VSNL1: variants seen among roughly 807,000 people sequenced by gnomAD.
VSNL1 encodes the protein visinin like 1.
Under a neutral mutation model 20.4 loss-of-function variants are expected in VSNL1, and 6 were observed. The observed-to-expected ratio is 0.29, with a 90% CI of 0.16 to 0.58. The LOEUF is 0.58. VSNL1 is among the 20% of genes least tolerant of loss of function. The pLI is 0.90. For missense variants in VSNL1, 100 were observed against 234.5 expected (o/e 0.43, Z 3.75); for synonymous variants, 93 against 86.4 (o/e 1.08, Z -0.42).
Position 17,592,652 on chromosome 2 carries a change from T to C in VSNL1, c.162+416T>C, listed in dbSNP as rs1423685544. ...TCTCTCTCTCTCTCTTTTTTTTTTT[T>C]TTTTTTTTTTTTTTTTTTTTTTTTT... is the stretch of plus-strand genomic sequence containing the variant. On this transcript the variant is annotated intron_variant, in intron 2 of 3. Coordinates refer to ENST00000295156, the MANE Select transcript of VSNL1 (RefSeq NM_003385.5). Among the ~76,000 whole-genome samples, 163 of 51,724 alleles carry C rather than the reference T, an allele frequency of 3.2e-3. 6 individuals carry two copies. Among genetic ancestry groups the C allele is most frequent in the Middle Eastern group, 5.7e-3 (1 of 174 alleles). The allele number at this position is 51,724 out of a possible 152,430, so 33.9% of individuals were successfully genotyped here.
At chr2:17,551,457 G>A (rs980704449) in intron 1 of VSNL1, among the ~76,000 whole-genome samples, 29 of 152,186 alleles carry the variant, frequency 1.9e-4, no homozygotes, top group African/African-American at 7.0e-4. Flanking sequence ...TATCATCTTG[G>A]AATGGGGAAG....
intron 2 of VSNL1, among the ~76,000 whole-genome samples, chr2:17,599,826 AG>A (rs1415634125): frequency 6.6e-6 from 1 of 152,226 alleles, no homozygotes; most frequent in Non-Finnish European, 1.5e-5. Flanking sequence ...CACTCAGCCC[AG>A]CCTTCTTGCC....
chr2:17,606,938 G>T (rs1443374768), intron 2 of VSNL1, among the ~76,000 whole-genome samples: 1 of 152,152 alleles, frequency 6.6e-6, no homozygotes, highest in Non-Finnish European at 1.5e-5. Context: ...ATTTTATCGT[G>T]TCTGTGTGAT....
intron 1 of VSNL1, among the ~76,000 whole-genome samples, chr2:17,569,966 C>T (rs1664043726): frequency 6.6e-6 from 1 of 152,150 alleles, no homozygotes; most frequent in African/African-American, 2.4e-5. Flanking sequence ...ATTCAGGATT[C>T]CAATTTCTTG....
chr2:17,598,295 T>G (rs1462479962), intron 2 of VSNL1, among the ~76,000 whole-genome samples: 3 of 152,218 alleles, frequency 2.0e-5, no homozygotes, highest in African/African-American at 7.2e-5. Context: ...ATAAAATATA[T>G]AATCAAGGTC....
rs368875920 is a variant in VSNL1 at position 17,585,497 on chromosome 2, G to C, written c.-5-6573G>C. ...GTGTCAGTTGTTTATAGGATCCAAG[G>C]GGGTGGTGCTGGGGGTTGTTTCAAC... On this transcript the variant is annotated intron_variant, in intron 1 of 3. Coordinates refer to ENST00000295156, the MANE Select transcript of VSNL1 (RefSeq NM_003385.5). Among the ~76,000 whole-genome samples the C allele has an allele frequency of 1.8e-4, 28 of 152,198 alleles. No homozygotes were observed. The East Asian group carries it at 5.0e-3, about 27-fold the overall frequency.
At position 17,649,297 on chromosome 2, in the gene VSNL1, G is replaced by A. The variant is rs1666071835; in HGVS notation, c.163-113G>A. The A allele has an allele frequency of 1.9e-6, 2 of 1,045,028 alleles. No homozygotes were observed. The highest frequency in any genetic ancestry group is 1.4e-5 in the South Asian group (1 of 69,672). 64.7% of individuals were successfully genotyped at this position (1,045,028 alleles called of 1,614,324 possible). On this transcript the variant is annotated intron_variant, in intron 2 of 3. Transcript: ENST00000295156. This position sits in a 1 kb window ranked among gnomAD's most constrained non-coding sequence, Gnocchi z 6.4. ...AGTCAGGCCAAACTGCTCTCCAATG[G>A]GTGAGGCTCCGACAACGCCCAGGAG...
chr2:17,575,940 G>A (rs999057946), intron 1 of VSNL1, among the ~76,000 whole-genome samples: 5 of 152,126 alleles, frequency 3.3e-5, no homozygotes, highest in Non-Finnish European at 5.9e-5. Context: ...ATAGAAACTT[G>A]TAAATTATAG....
In VSNL1 at chr2:17,634,609, A is replaced by C. The variant is rs1305702949; in HGVS notation, c.163-14801A>C. ...TAGCTGTGCCCCTTCCCGTCCCCTG[A>C]CACCCTCATCTCTCCTCTGAGATCA... On this transcript the variant is annotated intron_variant, in intron 2 of 3. Transcript: ENST00000295156. This position sits in a 1 kb window ranked among gnomAD's most constrained non-coding sequence, Gnocchi z 4.3. Among the ~76,000 whole-genome samples, 1 of 152,108 alleles carries C rather than the reference A, an allele frequency of 6.6e-6. No homozygotes were observed.
chr2:17,642,309 C>CTTTTTTTTTTTTTTTTTTTTTTT lies in VSNL1; in HGVS notation c.163-7084_163-7083insTTTTTTTTTTTTTTTTTTTTTTT, dbSNP rs577471307. Among the ~76,000 whole-genome samples the CTTTTTTTTTTTTTTTTTTTTTTT allele has an allele frequency of 4.9e-3, 455 of 93,178 alleles. 104 individuals carry two copies. Among genetic ancestry groups the CTTTTTTTTTTTTTTTTTTTTTTT allele is most frequent in the Non-Finnish European group, 8.0e-3 (355 of 44,218 alleles). 61.1% of individuals were successfully genotyped at this position (93,178 alleles called of 152,430 possible). A position where few individuals can be genotyped will look rare whatever the true frequency, so the allele number is the denominator to read the frequency against. On this transcript the variant is annotated intron_variant, in intron 2 of 3. Transcript: ENST00000295156. ...CTGGCTTTTCCCATGGTGAGCATTC[C>CTTTTTTTTTTTTTTTTTTTTTTT]TTTTTTTTTTTTTTTTTGAGACAGA...
At chr2:17,651,518 G>T (rs935538008) in intron 3 of VSNL1, among the ~76,000 whole-genome samples, 2 of 152,228 alleles carry the variant, frequency 1.3e-5, no homozygotes, top group African/African-American at 4.8e-5. Context: ...TTGGTGTTTT[G>T]TGTCTGTGTT....
At chr2:17,653,089 G>A (rs1666155332) in intron 3 of VSNL1, among the ~76,000 whole-genome samples, 2 of 152,332 alleles carry the variant, frequency 1.3e-5, no homozygotes, top group East Asian at 3.9e-4. Context: ...AGTCAGTACA[G>A]GTCCATCAGG....
chr2:17,596,458 ACG>A (rs1664712116), intron 2 of VSNL1, among the ~76,000 whole-genome samples: 5 of 151,742 alleles, frequency 3.3e-5, no homozygotes, highest in Non-Finnish European at 7.4e-5. Context: ...AGAATTGGCC[ACG>A]GTTTAATGAG....
At chr2:17,616,946 G>T (rs891004493) in intron 2 of VSNL1, among the ~76,000 whole-genome samples, 2 of 152,150 alleles carry the variant, frequency 1.3e-5, no homozygotes. Flanking sequence ...GTAACACAGA[G>T]AATGGCCTCC....
chr2:17,541,254 T>G (rs150506800), intron 1 of VSNL1: 2 of 152,346 alleles, frequency 1.3e-5, no homozygotes, highest in East Asian at 1.9e-4. Flanking sequence ...GTTTTCCGGT[T>G]GCTGATAAAA....
intron 2 of VSNL1, among the ~76,000 whole-genome samples, chr2:17,609,646 G>A (rs1435821354): frequency 6.6e-6 from 1 of 152,196 alleles, no homozygotes; most frequent in African/African-American, 2.4e-5. Context: ...ATCAAGAGTG[G>A]TTAGTGCTAA....
intron 1 of VSNL1, among the ~76,000 whole-genome samples, chr2:17,546,723 A>G (rs1663414208): frequency 6.6e-6 from 1 of 152,014 alleles, no homozygotes; most frequent in African/African-American, 2.4e-5. Context: ...TTATTAATAT[A>G]ATATTTTGCT....
intron 1 of VSNL1, among the ~76,000 whole-genome samples, chr2:17,573,479 A>T (rs1156919286): frequency 6.6e-6 from 1 of 152,056 alleles, no homozygotes; most frequent in Non-Finnish European, 1.5e-5. Context: ...TTCTGAAGTG[A>T]GGTGGAATAA....
intron 1 of VSNL1, among the ~76,000 whole-genome samples, chr2:17,574,333 T>A (rs554934039): frequency 6.6e-6 from 1 of 152,300 alleles, no homozygotes; most frequent in East Asian, 1.9e-4. Context: ...TATCATCACA[T>A]GAAACACTCC....
Sources: gnomAD v4.1 joint callset for allele counts (sites outside exome capture counted in the v4.1 genomes callset) on GRCh38, gnomAD v4.1.1 for gene constraint, Gnocchi (gnomAD v3.1) non-coding constraint, MANE v1.5 for transcripts, NCBI Gene and HGNC (gene_info 2026-07-23, HGNC 2026-07-21) for gene names.